The following BTBD8 variants were observed in gnomAD, a reference collection of about 807,000 sequenced individuals.
BTBD8 encodes BTB domain containing 8.
Under a neutral mutation model 162.9 loss-of-function variants are expected in BTBD8, and 110 were observed. That is an observed-to-expected ratio of 0.68 (90% confidence interval 0.58 to 0.79). BTBD8 has a LOEUF of 0.79. BTBD8 is among the 30% of genes least tolerant of loss of function. The probability of loss-of-function intolerance (pLI) is 0.00; values close to 1 mark genes in which losing one functional copy is unlikely to be tolerated. For missense variants in BTBD8, 1,905 were observed against 2,085.4 expected, an observed-to-expected ratio of 0.91 and a Z score of 1.68; for synonymous variants, 667 against 716.1, an observed-to-expected ratio of 0.93 and a Z score of 1.10.
intron 4 of BTBD8, among the ~76,000 whole-genome samples, chr1:92,117,343 G>T (rs982668714): frequency 2.0e-5 from 2 of 98,668 alleles, no homozygotes; most frequent in Non-Finnish European, 4.2e-5. Context: ...TCTTGAAAAA[G>T]ATTATTAAAG....
rs544204385 is a variant in BTBD8 at position 92,086,386 on chromosome 1, C to T, written c.150-2312C>T. Among the ~76,000 whole-genome samples, 154 of 152,242 alleles carry T rather than the reference C, an allele frequency of 1.0e-3. 1 individual carries two copies. The highest frequency in any genetic ancestry group is 3.1e-3 in the African/African-American group (128 of 41,552). ...GTCAGACGTGCAAGCCCTGCCTCAG[C>T]GTTTTTCCCAACACTCAGCTTTTCC... is the stretch of plus-strand genomic sequence containing the variant. On this transcript the variant is annotated intron_variant, in intron 1 of 17. Transcript: ENST00000636805.
intron 1 of BTBD8, among the ~76,000 whole-genome samples, chr1:92,083,530 T>A (rs1280585379): frequency 6.6e-6 from 1 of 152,004 alleles, no homozygotes; most frequent in Non-Finnish European, 1.5e-5. Context: ...ATAAATAAAT[T>A]TGGTAGCTTT....
Position 92,177,522 on chromosome 1 carries a change from G to T in BTBD8, c.2329G>T (p.Asp777Tyr), listed in dbSNP as rs1220427277. 1 of 1,540,160 alleles carries T rather than the reference G, an allele frequency of 6.5e-7. No individual in the cohort carries two copies. Among genetic ancestry groups the T allele is most frequent in the Non-Finnish European group, 8.8e-7 (1 of 1,142,436 alleles). Residue 777 changes from aspartate to tyrosine, a missense_variant, in exon 14 of 18, where the codon GAT (aspartate) becomes TAT (tyrosine). Coordinates refer to ENST00000636805, the MANE Select transcript of BTBD8 (RefSeq NM_001376131.1). ...SPGQMMKNSVDSVKNSTVAIK... is the reference protein window; with the variant it reads ...SPGQMMKNSVYSVKNSTVAIK... ...AGGACAGATGATGAAAAACAGTGTA[G>T]ATAGTGTCAAAAATTCCACTGTAGG...
At chr1:92,158,488 C>A (rs959653658) in intron 9 of BTBD8, among the ~76,000 whole-genome samples, 2 of 152,136 alleles carry the variant, frequency 1.3e-5, no homozygotes, top group East Asian at 3.9e-4. Flanking sequence ...CACAGAAACT[C>A]TACACTTCTC....
At chr1:92,122,840 C>T (rs1649253523) in intron 4 of BTBD8, among the ~76,000 whole-genome samples, 1 of 152,220 alleles carries the variant, frequency 6.6e-6, no homozygotes, top group South Asian at 2.1e-4. Flanking sequence ...GTTGGGATTA[C>T]AAGCGTGAGC....
chr1:92,120,673 T>A (rs1244420922), intron 4 of BTBD8, among the ~76,000 whole-genome samples: 2 of 152,170 alleles, frequency 1.3e-5, no homozygotes, highest in African/African-American at 4.8e-5. Flanking sequence ...CATCCCTAGG[T>A]TGCAGGATTT....
At chr1:92,178,645 T>A (rs550077926) in intron 16 of BTBD8, among the ~76,000 whole-genome samples, 194 bp downstream of exon 16, 1 of 152,120 alleles carries the variant, frequency 6.6e-6, no homozygotes, top group Non-Finnish European at 1.5e-5. Flanking sequence ...AGGTTTGGTT[T>A]TTGTTGTTCT....
chr1:92,144,356 G>T (rs988518547), intron 7 of BTBD8, among the ~76,000 whole-genome samples: 10 of 152,062 alleles, frequency 6.6e-5, no homozygotes, highest in Non-Finnish European at 1.5e-4. Context: ...ACAAATATGG[G>T]TATAATGTGA....
In BTBD8 at chr1:92,102,629, A is replaced by G. The variant is rs1056173633; in HGVS notation, c.504A>G (p.Pro168=). Residue 168 remains proline (P), a synonymous_variant, in exon 3 of 18, where the codon CCA becomes CCG. Transcript: ENST00000636805. ...SDCSLQKHEI[P]EDISDRDDDF... is the part of the protein sequence containing the mutation. ...GTTCTCTTCAGAAGCATGAAATTCCAGAGGATATCAGTGACAGAGATGATG... is the reference window on the plus strand; with the variant it reads ...GTTCTCTTCAGAAGCATGAAATTCCGGAGGATATCAGTGACAGAGATGATG... The G allele has an allele frequency of 2.0e-6, 3 of 1,526,388 alleles. No homozygotes were observed. The highest frequency in any genetic ancestry group is 2.6e-6 in the Non-Finnish European group (3 of 1,137,842). The allele number at this position is 1,526,388 out of a possible 1,614,324, so 94.6% of individuals were successfully genotyped here. A position where few individuals can be genotyped will look rare whatever the true frequency, so the allele number is the denominator to read the frequency against.
intron 3 of BTBD8, among the ~76,000 whole-genome samples, chr1:92,104,358 G>A (rs1265259979): frequency 6.6e-6 from 1 of 152,118 alleles, no homozygotes; most frequent in African/African-American, 2.4e-5. Flanking sequence ...TAGGCCTTGA[G>A]GTAGATCATT....
intron 4 of BTBD8, chr1:92,125,969 C>A: frequency 2.2e-6 from 1 of 455,788 alleles, no homozygotes; most frequent in South Asian, 1.8e-5. Flanking sequence ...TAGCCACTGT[C>A]AAAGCAAAGG....
rs112971641 is a variant in BTBD8, at chr1:92,144,015, C to T, written c.930+2804C>T. 1.5e-3 allele frequency among the ~76,000 whole-genome samples: 216 copies of T among 143,968 alleles called. 3 individuals are homozygous for T. The highest frequency in any genetic ancestry group is 3.5e-3 in the Middle Eastern group (1 of 284). The allele number at this position is 143,968 out of a possible 152,430, so 94.4% of individuals were successfully genotyped here. A position where few individuals can be genotyped will look rare whatever the true frequency, so the allele number is the denominator to read the frequency against. The stretch of plus-strand genomic sequence containing the variant: ...TGAGTTGGAGGCTCCCTCTGTCACC[C>T]GGGCTAGAGTGCAAGTGGTGCGATC... On this transcript the variant is annotated intron_variant, in intron 7 of 17. Coordinates refer to ENST00000636805, the MANE Select transcript of BTBD8 (RefSeq NM_001376131.1).
intron 2 of BTBD8, among the ~76,000 whole-genome samples, chr1:92,092,117 T>G (rs1648321117): frequency 6.6e-6 from 1 of 152,020 alleles, no homozygotes; most frequent in Admixed American, 6.6e-5. Flanking sequence ...TAAGAAGACT[T>G]AGGGCGGGTA....
intron 9 of BTBD8, among the ~76,000 whole-genome samples, chr1:92,161,002 G>C (rs144206691): frequency 1.3e-5 from 2 of 152,162 alleles, no homozygotes; most frequent in Non-Finnish European, 2.9e-5. Context: ...TCCTTCCCCA[G>C]GGAGAAGCTG....
intron 9 of BTBD8, among the ~76,000 whole-genome samples, chr1:92,150,078 G>A (rs966106166): frequency 1.3e-5 from 2 of 152,186 alleles, no homozygotes; most frequent in African/African-American, 4.8e-5. Context: ...TATACAATAA[G>A]TCTGCACCGA....
intron 12 of BTBD8, among the ~76,000 whole-genome samples, chr1:92,170,318 T>G (rs1390956091): frequency 6.6e-6 from 1 of 152,142 alleles, no homozygotes; most frequent in African/African-American, 2.4e-5. Flanking sequence ...ATAAGTTGAA[T>G]TATAATGAGT....
intron 13 of BTBD8, among the ~76,000 whole-genome samples, chr1:92,173,729 G>C (rs1056731823): frequency 6.6e-6 from 1 of 152,186 alleles, no homozygotes. Flanking sequence ...TGTGTCATCT[G>C]TGAGTCTTAG....
At chr1:92,106,979 TGGGAG>T (rs2101906875) in intron 3 of BTBD8, among the ~76,000 whole-genome samples, 1 of 151,836 alleles carries the variant, frequency 6.6e-6, no homozygotes, top group Non-Finnish European at 1.5e-5. Flanking sequence ...GAGGCTAGGG[TGGGAG>T]GATTGGATTG....
chr1:92,101,992 C>G (rs1319418539), intron 2 of BTBD8, among the ~76,000 whole-genome samples: 1 of 152,028 alleles, frequency 6.6e-6, no homozygotes, highest in Non-Finnish European at 1.5e-5. Context: ...GCCATCACAC[C>G]CGGCTTCTGC....
Sources: gnomAD v4.1 joint callset for allele counts (sites outside exome capture counted in the v4.1 genomes callset) on GRCh38, gnomAD v4.1.1 for gene constraint, MANE v1.5 for transcripts, NCBI Gene and HGNC (gene_info 2026-07-23, HGNC 2026-07-21) for gene names.